The following PARP1 variants were observed in gnomAD, a reference collection of about 807,000 sequenced individuals.
PARP1 encodes poly(ADP-ribose) polymerase 1, also known as poly [ADP-ribose] polymerase 1.
Under a neutral mutation model 118.7 loss-of-function variants are expected in PARP1, and 44 were observed. The ratio of observed to expected loss-of-function variants is 0.37; its 90% CI spans 0.29 to 0.48. PARP1 has a LOEUF of 0.48. PARP1 is among the 20% of genes least tolerant of loss of function. PARP1 has a pLI of 0.99. For synonymous variants in PARP1, 492 were observed against 483.2 expected (o/e 1.02, Z -0.24); for missense variants, 1,100 against 1,272.4 (o/e 0.86, Z 2.06).
At chr1:226,370,368 C>A (rs912153905) in intron 15 of PARP1, 66 bp downstream of exon 15, 1 of 1,137,654 alleles carries the variant, frequency 8.8e-7, no homozygotes, top group Non-Finnish European at 1.3e-6. Context: ...CCTGCCACCC[C>A]CAGGTCTCAC....
chr1:226,407,765 C>T (rs749255333), intron 1 of PARP1, 45 bp downstream of exon 1: 1 of 1,524,390 alleles, frequency 6.6e-7, no homozygotes, highest in South Asian at 1.2e-5. Context: ...ACAGTTAACC[C>T]GGGGCGCCGC....
intron 15 of PARP1, among the ~76,000 whole-genome samples, chr1:226,370,111 G>C (rs1664348850): frequency 6.6e-6 from 1 of 151,988 alleles, no homozygotes; most frequent in Non-Finnish European, 1.5e-5. Context: ...CCCCGAGGGA[G>C]TCCTGGAACC....
intron 21 of PARP1, 140 bp downstream of exon 21, chr1:226,362,959 C>T (rs983545289): frequency 8.5e-6 from 6 of 709,188 alleles, no homozygotes; most frequent in Non-Finnish European, 1.6e-5. Flanking sequence ...ACAACGCACA[C>T]ACACCCCTCG....
At chr1:226,401,880 C>T (rs1026150214) in intron 2 of PARP1, 9 of 984,534 alleles carry the variant, frequency 9.1e-6, no homozygotes, top group Non-Finnish European at 1.1e-5. Flanking sequence ...GAGGTGTTGA[C>T]AAGGAAGAGC....
intron 2 of PARP1, among the ~76,000 whole-genome samples, chr1:226,397,697 G>A (rs1299022072): frequency 6.6e-6 from 1 of 152,052 alleles, no homozygotes; most frequent in Non-Finnish European, 1.5e-5. Context: ...GTCAACTGCC[G>A]GCTTCTCCTC....
At position 226,402,340 on chromosome 1, in the gene PARP1, A is replaced by G; in HGVS notation, c.160T>C (p.Phe54Leu). 1.9e-6 allele frequency: 3 copies of G among 1,613,924 alleles called. No homozygotes were observed. The highest frequency in any genetic ancestry group is 2.5e-6 in the Non-Finnish European group (3 of 1,180,046). ...TGGCCCACCTTCCAGAAGCAGGAGA[A>G]GTGGTACCAGTGTGGGACTTTTCCA... ...FDGKVPHWYH[F>L]SCFWKVGHSI... is the part of the protein sequence containing the mutation. Residue 54 changes from phenylalanine to leucine, a missense_variant, in exon 2 of 23, where the codon TTC becomes CTC. Physicochemically the swap from Phe to Leu is conservative, Grantham distance 22. Coordinates refer to ENST00000366794, the MANE Select transcript of PARP1 (RefSeq NM_001618.4).
At position 226,385,540 on chromosome 1, in the gene PARP1, T is replaced by C. The variant is rs1381336055; in HGVS notation, c.975A>G (p.Thr325=). 1.2e-6 allele frequency: 2 copies of C among 1,614,044 alleles called. No homozygotes were observed. The highest frequency in any genetic ancestry group is 1.3e-5 in the African/African-American group (1 of 74,910). Residue 325 remains threonine, a synonymous_variant, in exon 7 of 23, where the codon ACA becomes ACG. Coordinates refer to ENST00000366794, the MANE Select transcript of PARP1 (RefSeq NM_001618.4). ...VTAWTKCMVK[T]QTPNRKEWVT... ...CCCACTCCTTCCGGTTGGGTGTCTG[T>C]GTCTTGACCATACACTTGGTCCAGG...
intron 15 of PARP1, among the ~76,000 whole-genome samples, chr1:226,368,891 T>C (rs1006098478): frequency 4.6e-5 from 7 of 152,192 alleles, no homozygotes; most frequent in African/African-American, 1.4e-4. Flanking sequence ...GCACAAAAAA[T>C]GCACAGAGAT....
intron 7 of PARP1, among the ~76,000 whole-genome samples, chr1:226,384,761 T>TG (rs1400487745): frequency 2.0e-5 from 3 of 152,146 alleles, no homozygotes; most frequent in African/African-American, 7.2e-5. Flanking sequence ...CCAGTGGAAA[T>TG]GGAGTTCAGT....
At chr1:226,389,066 C>G (rs1183446701) in intron 4 of PARP1, among the ~76,000 whole-genome samples, 1 of 151,326 alleles carries the variant, frequency 6.6e-6, no homozygotes, top group African/African-American at 2.4e-5. Context: ...CAGACCCCGT[C>G]TGAGGTTAAA....
In PARP1 at chr1:226,392,194, C is replaced by A; in HGVS notation, c.402+5G>T. On this transcript the variant is annotated splice_donor_5th_base_variant and intron_variant, in intron 3 of 22. Coordinates refer to ENST00000366794, the MANE Select transcript of PARP1 (RefSeq NM_001618.4). ...GTTCAGGGATCTGGGCCCCCAAGATCTTACCTTTTCTATCTTCTCCATACA... is the reference window on the plus strand; with the variant it reads ...GTTCAGGGATCTGGGCCCCCAAGATATTACCTTTTCTATCTTCTCCATACA... 1 of 1,587,556 alleles carries A rather than the reference C, an allele frequency of 6.3e-7. No individual in the cohort carries two copies. Among genetic ancestry groups the A allele is most frequent in the Non-Finnish European group, 8.7e-7 (1 of 1,155,638 alleles).
chr1:226,370,716 T>A (rs1664364094), intron 14 of PARP1, 199 bp from the exon 15 acceptor site: 1 of 636,636 alleles, frequency 1.6e-6, no homozygotes, highest in Admixed American at 2.2e-5. Context: ...GTCTGAAGAT[T>A]CTTGCTCACT....
intron 6 of PARP1, among the ~76,000 whole-genome samples, 162 bp downstream of exon 6, chr1:226,386,164 A>G (rs1425145630): frequency 6.6e-6 from 1 of 152,188 alleles, no homozygotes; most frequent in Non-Finnish European, 1.5e-5. Context: ...GGTGACCACG[A>G]TGGTGGTGAT....
chr1:226,388,968 T>A (rs972865282), intron 4 of PARP1, among the ~76,000 whole-genome samples: 1 of 151,708 alleles, frequency 6.6e-6, no homozygotes, highest in African/African-American at 2.4e-5. Context: ...GAAGACACCA[T>A]CCAATTCAGA....
intron 2 of PARP1, among the ~76,000 whole-genome samples, chr1:226,400,704 C>T (rs1264606398): frequency 6.6e-6 from 1 of 152,226 alleles, no homozygotes; most frequent in Non-Finnish European, 1.5e-5. Flanking sequence ...GATCTAGAGG[C>T]AGCTCTGGCT....
intron 2 of PARP1, among the ~76,000 whole-genome samples, chr1:226,394,207 CA>C (rs987900357): frequency 1.6e-4 from 25 of 152,070 alleles, no homozygotes; most frequent in Non-Finnish European, 2.6e-4. Context: ...ACAAAACAAC[CA>C]AACCCCAGCA....
chr1:226,407,506 G>A (rs927764515), intron 1 of PARP1, among the ~76,000 whole-genome samples: 1 of 152,044 alleles, frequency 6.6e-6, no homozygotes, highest in African/African-American at 2.4e-5. Flanking sequence ...TGAGGCGAAC[G>A]GCAGTAATAA....
chr1:226,377,311 G>A lies in PARP1; in HGVS notation c.1746-8C>T. The A allele has an allele frequency of 1.2e-6, 2 of 1,610,498 alleles. No individual in the cohort carries two copies. The highest frequency in any genetic ancestry group is 1.7e-6 in the Non-Finnish European group (2 of 1,176,764). ...GACCTGAATATCCAATACCTGCAGT[G>A]GGAAGGAGGGTGTCAGATACACATG... On this transcript the variant is annotated splice_polypyrimidine_tract_variant and splice_region_variant and intron_variant, in intron 12 of 22. Transcript: ENST00000366794.
intron 2 of PARP1, among the ~76,000 whole-genome samples, chr1:226,395,073 C>CA (rs1181521006): frequency 6.6e-6 from 1 of 151,262 alleles, no homozygotes; most frequent in Non-Finnish European, 1.5e-5. Context: ...AAATGAAAAT[C>CA]AAAAACCACA....
Sources: allele counts gnomAD v4.1 joint callset (sites outside exome capture counted in the v4.1 genomes callset), GRCh38; gene constraint gnomAD v4.1.1; transcripts MANE v1.5; gene names NCBI Gene and HGNC (gene_info 2026-07-23, HGNC 2026-07-21).